The following NFIX variants were observed in gnomAD, a reference collection of about 807,000 sequenced individuals.
NFIX encodes nuclear factor I X, also known as nuclear factor 1 X-type.
NFIX carries 2 observed loss-of-function variants against 53.3 expected under a neutral mutation model. The observed-to-expected ratio is 0.04, with a 90% CI of 0.02 to 0.12. NFIX has a LOEUF of 0.12. Ranked by LOEUF, NFIX falls within the 10% of genes least tolerant of loss-of-function variation. The pLI, the probability that NFIX is intolerant of heterozygous loss-of-function variation, is 1.00. For synonymous variants in NFIX, 244 were observed against 289.0 expected (o/e 0.84, Z 1.58); for missense variants, 310 against 674.5 (o/e 0.46, Z 5.99).
chr19:13,014,860 TG>T lies in NFIX; in HGVS notation c.28-10158del, dbSNP rs2012567143. 6.6e-6 allele frequency among the ~76,000 whole-genome samples: 1 copy of T among 152,118 alleles called. No homozygotes were observed. Among genetic ancestry groups the T allele is most frequent in the Non-Finnish European group, 1.5e-5 (1 of 68,010 alleles). ...TATCAGGGCTGCAGAGGTTCGGCTC[TG>T]GGCTGGTGGTAGGGGGCTGGTGGTA... On this transcript the variant is annotated intron_variant, in intron 1 of 10. Transcript: ENST00000592199. The surrounding 1 kb of genome is among the most constrained non-coding windows in gnomAD (Gnocchi z 4.4).
chr19:13,091,913 T>C (rs1191175073), intron 10 of NFIX, among the ~76,000 whole-genome samples: 2 of 152,230 alleles, frequency 1.3e-5, no homozygotes, highest in Non-Finnish European at 2.9e-5. Context: ...GCTTGGACGT[T>C]TGGGGGCCAA....
rs937274176 is a variant in NFIX, at chr19:13,060,975, G to A, written c.560-12072G>A. ...TCACTTTTTATGGGGATGGGGTAGA[G>A]ATCTTCCTTTTCAAGTGTTTACCAA... On this transcript the variant is annotated intron_variant, in intron 2 of 10. Transcript: ENST00000592199. The surrounding 1 kb of genome is among the most constrained non-coding windows in gnomAD (Gnocchi z 4.3). Among the ~76,000 whole-genome samples the A allele has an allele frequency of 6.6e-6, 1 of 152,108 alleles. No homozygotes were observed. The highest frequency in any genetic ancestry group is 2.4e-5 in the African/African-American group (1 of 41,408).
intron 2 of NFIX, among the ~76,000 whole-genome samples, chr19:13,057,898 T>TCCTTTTC (rs2015814869): frequency 1.3e-5 from 2 of 152,184 alleles, no homozygotes; most frequent in African/African-American, 4.8e-5. Context: ...TCCCACTTTT[T>TCCTTTTC]CCTTTTCCCT....
chr19:13,069,590 C>T (rs2016645519), intron 2 of NFIX, among the ~76,000 whole-genome samples: 2 of 152,072 alleles, frequency 1.3e-5, no homozygotes, highest in South Asian at 2.1e-4. Context: ...GGCTCAGGGG[C>T]GAGGAGGAAA....
intron 6 of NFIX, among the ~76,000 whole-genome samples, chr19:13,076,593 G>A (rs967428602): frequency 2.0e-5 from 3 of 152,176 alleles, no homozygotes; most frequent in Non-Finnish European, 2.9e-5. Context: ...AGACTCACGC[G>A]TGTGGGTTGT....
chr19:13,056,134 C>T (rs907203375), intron 2 of NFIX, among the ~76,000 whole-genome samples: 1 of 152,176 alleles, frequency 6.6e-6, no homozygotes, highest in Admixed American at 6.5e-5. Flanking sequence ...CCAGCCCCAG[C>T]CAACTTTGCT....
intron 5 of NFIX, among the ~76,000 whole-genome samples, chr19:13,075,039 C>T (rs1316948343): frequency 3.2e-5 from 4 of 125,248 alleles, no homozygotes; most frequent in Non-Finnish European, 3.1e-5. Flanking sequence ...CACTGCACTC[C>T]AGCCTGGGTG....
At position 13,087,308 on chromosome 19, in the gene NFIX, G is replaced by A. The variant is rs560477218; in HGVS notation, c.1255-681G>A. Among the ~76,000 whole-genome samples the A allele has an allele frequency of 4.6e-5, 7 of 152,306 alleles. No homozygotes were observed. In the South Asian group the frequency reaches 1.4e-3, roughly 32 times the overall value. ...CCGAGCATCCATGGCGTCTGAGGGC[G>A]TTGTACAGGGAAGTCCTCCTGAAGA... On this transcript the variant is annotated intron_variant, in intron 8 of 10. Coordinates refer to ENST00000592199, the MANE Select transcript of NFIX (RefSeq NM_001365902.3).
rs1008295038 is a variant in NFIX, at chr19:13,037,404, A to C, written c.559+11852A>C. ...GAAATATGTGAGCAATTTGATGCGGATCTCAGAGAGCCTCGTGGAAGTAAT... is the reference window on the plus strand; with the variant it reads ...GAAATATGTGAGCAATTTGATGCGGCTCTCAGAGAGCCTCGTGGAAGTAAT... On this transcript the variant is annotated intron_variant, in intron 2 of 10. Transcript: ENST00000592199. This position sits in a 1 kb window ranked among gnomAD's most constrained non-coding sequence, Gnocchi z 4.2. Among the ~76,000 whole-genome samples the C allele has an allele frequency of 2.6e-5, 4 of 152,238 alleles. No individual in the cohort carries two copies.
At chr19:13,032,372 G>C (rs2013883784) in intron 2 of NFIX, among the ~76,000 whole-genome samples, 2 of 152,174 alleles carry the variant, frequency 1.3e-5, no homozygotes, top group Non-Finnish European at 1.5e-5. Context: ...ACTTTGGGCA[G>C]ATCTTATGTG....
chr19:13,004,259 C>A (rs2011889209), intron 1 of NFIX, among the ~76,000 whole-genome samples: 1 of 152,134 alleles, frequency 6.6e-6, no homozygotes, highest in Non-Finnish European at 1.5e-5. Context: ...CAGTAACACA[C>A]ACAGGCACAG....
rs932452344 is a variant in NFIX at position 13,006,499 on chromosome 19, C to T, written c.27+10635C>T. Among the ~76,000 whole-genome samples the T allele has an allele frequency of 1.3e-5, 2 of 152,212 alleles. No individual in the cohort carries two copies. The highest frequency in any genetic ancestry group is 2.9e-5 in the Non-Finnish European group (2 of 68,036). On this transcript the variant is annotated intron_variant, in intron 1 of 10. Coordinates refer to ENST00000592199, the MANE Select transcript of NFIX (RefSeq NM_001365902.3). This position sits in a 1 kb window ranked among gnomAD's most constrained non-coding sequence, Gnocchi z 5.6. ...TTTACAGAAACTGGGGCTTGATGGG[C>T]ACTGGGTATTCGCAACCCTGCTGCT... is the stretch of plus-strand genomic sequence containing the variant.
chr19:13,086,605 A>G (rs1035143680), intron 8 of NFIX, among the ~76,000 whole-genome samples: 1 of 152,086 alleles, frequency 6.6e-6, no homozygotes, highest in Non-Finnish European at 1.5e-5. Context: ...CCTGGCCTCC[A>G]CCCAGCCCCT....
intron 8 of NFIX, among the ~76,000 whole-genome samples, chr19:13,085,674 T>A (rs2017738771): frequency 6.6e-6 from 1 of 152,178 alleles, no homozygotes; most frequent in Non-Finnish European, 1.5e-5. Flanking sequence ...CAAGGGCCAC[T>A]GAGAGTTGTC....
rs1423361282 is a variant in NFIX, at chr19:13,001,936, G to A, written c.27+6072G>A. Among the ~76,000 whole-genome samples, 1 of 152,200 alleles carries A rather than the reference G, an allele frequency of 6.6e-6. No individual in the cohort carries two copies. Among genetic ancestry groups the A allele is most frequent in the Non-Finnish European group, 1.5e-5 (1 of 68,020 alleles). ...TGGCGTGGACAGAAGCCCGTTGTGC[G>A]GCAGCGAGGTGCGGGCGTGTGTTCG... On this transcript the variant is annotated intron_variant, in intron 1 of 10. Coordinates refer to ENST00000592199, the MANE Select transcript of NFIX (RefSeq NM_001365902.3). The surrounding 1 kb of genome is among the most constrained non-coding windows in gnomAD (Gnocchi z 6.5).
rs1372715602 is a variant in NFIX at position 13,011,973 on chromosome 19, A to G, written c.28-13048A>G. 2.0e-5 allele frequency among the ~76,000 whole-genome samples: 3 copies of G among 152,146 alleles called. No individual in the cohort carries two copies. The highest frequency in any genetic ancestry group is 7.2e-5 in the African/African-American group (3 of 41,434). On this transcript the variant is annotated intron_variant, in intron 1 of 10. Transcript: ENST00000592199. The surrounding 1 kb of genome is among the most constrained non-coding windows in gnomAD (Gnocchi z 6.5). ...GTCGTGTGCTTTCCATGTCGCGGGC[A>G]AAATGGGTGCTGACGGTCACTGTCA...
chr19:13,047,894 C>G (rs933265849), intron 2 of NFIX, among the ~76,000 whole-genome samples: 1 of 152,308 alleles, frequency 6.6e-6, no homozygotes, highest in South Asian at 2.1e-4. Context: ...GCCACCCTTC[C>G]CAGGTCCTCT....
At chr19:13,083,078 C>T (rs1366765573) in intron 8 of NFIX, among the ~76,000 whole-genome samples, 6 of 152,356 alleles carry the variant, frequency 3.9e-5, no homozygotes, top group African/African-American at 1.4e-4. Context: ...TCTCCCTTTG[C>T]CCATCGAGGG....
At position 13,028,846 on chromosome 19, in the gene NFIX, G is replaced by A. The variant is rs16978854; in HGVS notation, c.559+3294G>A. The stretch of plus-strand genomic sequence containing the variant: ...AGGATGGCCGAGCTGGCCTAGAACC[G>A]CTGCTAGACTATCTCCAAAGTTTCT... On this transcript the variant is annotated intron_variant, in intron 2 of 10. Transcript: ENST00000592199. The surrounding 1 kb of genome is among the most constrained non-coding windows in gnomAD (Gnocchi z 4.2). Among the ~76,000 whole-genome samples the A allele has an allele frequency of 0.028, 4,256 of 152,172 alleles. 71 individuals carry two copies. Among genetic ancestry groups the A allele is most frequent in the Middle Eastern group, 0.082 (24 of 294 alleles).
Sources: gnomAD v4.1 joint callset for allele counts (sites outside exome capture counted in the v4.1 genomes callset) on GRCh38, gnomAD v4.1.1 for gene constraint, Gnocchi (gnomAD v3.1) non-coding constraint, MANE v1.5 for transcripts, NCBI Gene and HGNC (gene_info 2026-07-23, HGNC 2026-07-21) for gene names.